OXNAD1: variants seen among roughly 807,000 people sequenced by gnomAD.
OXNAD1 encodes the protein oxidoreductase NAD binding domain containing 1, also known as oxidoreductase NAD-binding domain-containing protein 1.
OXNAD1 carries 34 observed loss-of-function variants against 32.9 expected under a neutral mutation model. That is an observed-to-expected ratio of 1.03 (90% CI 0.79 to 1.38). OXNAD1 has a LOEUF of 1.38. Ranked by LOEUF, OXNAD1 falls within the 40% of genes most tolerant of loss-of-function variation. The pLI, the probability that OXNAD1 is intolerant of heterozygous loss-of-function variation, is 0.00. For synonymous variants in OXNAD1, 134 were observed against 135.2 expected, an observed-to-expected ratio of 0.99 and a Z score of 0.06; for missense variants, 407 against 379.4, an observed-to-expected ratio of 1.07 and a Z score of -0.60.
chr3:16,302,330 C>G lies in OXNAD1; in HGVS notation c.676-310C>G, dbSNP rs918683521. 6.6e-6 allele frequency among the ~76,000 whole-genome samples: 1 copy of G among 152,182 alleles called. No homozygotes were observed. Among genetic ancestry groups the G allele is most frequent in the South Asian group, 2.1e-4 (1 of 4,828 alleles). On this transcript the variant is annotated intron_variant, in intron 7 of 8. Coordinates refer to ENST00000285083, the MANE Select transcript of OXNAD1 (RefSeq NM_138381.5). This position sits in a 1 kb window ranked among gnomAD's most constrained non-coding sequence, Gnocchi z 4.2. ...GCAGGAATGAACAAAAGAACAGAAA[C>G]AGTTAAAAGACACAACTGTGGTCAG...
At chr3:16,341,111 G>C (rs932365285), downstream of OXNAD1, among the ~76,000 whole-genome samples, 2 of 152,188 alleles carry the variant, frequency 1.3e-5, no homozygotes, top group African/African-American at 2.4e-5. This position sits in a 1 kb window ranked among gnomAD's most constrained non-coding sequence, Gnocchi z 4.7. Context: ...GTCCACCTTA[G>C]AATGACCACA....
rs985609958 is a variant in OXNAD1, at chr3:16,348,520, G to A, written c.*31-656G>A. ...GAGCCCACTGTGTCCAGGAGGCCTT[G>A]TTCAGTCTCTGCTCTCTCCCAGGGC... On this transcript the variant is annotated intron_variant, in intron 9 of 9. Coordinates refer to the OXNAD1 transcript ENST00000606098. This position sits in a 1 kb window ranked among gnomAD's most constrained non-coding sequence, Gnocchi z 6.3. Among the ~76,000 whole-genome samples the A allele has an allele frequency of 3.3e-5, 5 of 152,140 alleles. No homozygotes were observed. Among genetic ancestry groups the A allele is most frequent in the African/African-American group, 4.8e-5 (2 of 41,428 alleles).
intron 9 of OXNAD1, among the ~76,000 whole-genome samples, chr3:16,311,635 C>T (rs2067989845): frequency 6.6e-6 from 1 of 152,146 alleles, no homozygotes; most frequent in Non-Finnish European, 1.5e-5. Context: ...CAATCATTTG[C>T]AAAATCCAGT....
chr3:16,276,813 G>T (rs1017983679), intron 4 of OXNAD1, among the ~76,000 whole-genome samples: 8 of 151,970 alleles, frequency 5.3e-5, no homozygotes, highest in Non-Finnish European at 1.0e-4. Context: ...AAACTCTTGA[G>T]AATTTTAGTG....
At chr3:16,285,870 C>A (rs1381827497) in intron 4 of OXNAD1, among the ~76,000 whole-genome samples, 1 of 152,216 alleles carries the variant, frequency 6.6e-6, no homozygotes, top group South Asian at 2.1e-4. Flanking sequence ...TAAGTGCCTG[C>A]TTTTGATTTC....
At chr3:16,270,803 G>A in intron 2 of OXNAD1, 142 bp from the exon 3 acceptor site, 1 of 1,212,504 alleles carries the variant, frequency 8.2e-7, no homozygotes, top group Non-Finnish European at 1.1e-6. Context: ...GTGAAGTTAG[G>A]CTCTTGGCTG....
intron 9 of OXNAD1, among the ~76,000 whole-genome samples, chr3:16,324,646 T>TTG (rs71632869): frequency 0.11 from 10,675 of 100,236 alleles, 765 homozygotes; most frequent in East Asian, 0.31. Context: ...TAGTATTCCA[T>TTG]TGTGTGTGTG....
chr3:16,296,448 A>AT, intron 6 of OXNAD1, among the ~76,000 whole-genome samples: 1 of 152,332 alleles, frequency 6.6e-6, no homozygotes, highest in Admixed American at 6.5e-5. Flanking sequence ...TCTCAACAGG[A>AT]TTTTTTATAG....
rs553681452 is a variant in OXNAD1, at chr3:16,298,312, C to G, written c.433-3314C>G. Among the ~76,000 whole-genome samples the G allele has an allele frequency of 6.6e-6, 1 of 152,246 alleles. No individual in the cohort carries two copies. The highest frequency in any genetic ancestry group is 1.9e-4 in the East Asian group (1 of 5,170). On this transcript the variant is annotated intron_variant, in intron 6 of 8. Coordinates refer to ENST00000285083, the MANE Select transcript of OXNAD1 (RefSeq NM_138381.5). The surrounding 1 kb of genome is among the most constrained non-coding windows in gnomAD (Gnocchi z 5.1). ...GAAATAAGCATAGCCATCCCAGTTC[C>G]TAGTGCCATGAACATCTCCCCATCC...
In OXNAD1 at chr3:16,271,690, A is replaced by G. The variant is rs201824469; in HGVS notation, c.151A>G (p.Met51Val). ...GAAATCCAAAAGGAAAACTGATCACATGGAGAGAACTGCAAGTGTCCTTCG... is the reference window on the plus strand; with the variant it reads ...GAAATCCAAAAGGAAAACTGATCACGTGGAGAGAACTGCAAGTGTCCTTCG... ...IMKSKRKTDHMERTASVLRRE... is the reference protein window; with the variant it reads ...IMKSKRKTDHVERTASVLRRE... Residue 51 changes from methionine (M) to valine (V), a missense_variant, in exon 4 of 9, where the codon ATG (methionine) becomes GTG (valine). Met to Val is a conservative substitution (Grantham distance 21, BLOSUM62 1). Transcript: ENST00000285083. The surrounding 1 kb of genome is among the most constrained non-coding windows in gnomAD (Gnocchi z 4.6). 3.1e-6 allele frequency: 5 copies of G among 1,607,832 alleles called. No individual in the cohort carries two copies. The highest frequency in any genetic ancestry group is 1.1e-5 in the South Asian group (1 of 89,396).
intron 6 of OXNAD1, among the ~76,000 whole-genome samples, chr3:16,295,289 T>C (rs966022705): frequency 2.6e-5 from 4 of 152,232 alleles, no homozygotes; most frequent in African/African-American, 9.6e-5. Flanking sequence ...CTCTGTGTCA[T>C]GTAAATGGTA....
chr3:16,320,347 C>G lies in OXNAD1; in HGVS notation c.*30+16755C>G, dbSNP rs889149166. ...GCTGATTAAAAGAAGACTAAATATG[C>G]CACATCCTCGGTGTGCCAATCTTGC... On this transcript the variant is annotated intron_variant, in intron 9 of 9. Transcript: ENST00000435829. The surrounding 1 kb of genome is among the most constrained non-coding windows in gnomAD (Gnocchi z 4.5). Among the ~76,000 whole-genome samples the G allele has an allele frequency of 3.9e-5, 6 of 152,192 alleles. No homozygotes were observed. Among genetic ancestry groups the G allele is most frequent in the Non-Finnish European group, 4.4e-5 (3 of 68,040 alleles).
rs2070683648 is a variant in OXNAD1, at chr3:16,334,741, T to C, written c.*31-2371T>C. 6.6e-6 allele frequency among the ~76,000 whole-genome samples: 1 copy of C among 152,210 alleles called. No homozygotes were observed. ...AATGGCCCCAAAGATGTCTACAGCC[T>C]AATCCCAGGAGCCTGTGAAAATGTT... On this transcript the variant is annotated intron_variant, in intron 9 of 9. Transcript: ENST00000435829. The surrounding 1 kb of genome is among the most constrained non-coding windows in gnomAD (Gnocchi z 4.3).
At chr3:16,294,656 C>G (rs2066648698) in intron 5 of OXNAD1, among the ~76,000 whole-genome samples, 200 bp from the exon 6 acceptor site, 1 of 152,154 alleles carries the variant, frequency 6.6e-6, no homozygotes, top group South Asian at 2.1e-4. Flanking sequence ...TGTAAGTTAG[C>G]TAATTTTTTG....
chr3:16,286,441 G>A lies in OXNAD1; in HGVS notation c.283G>A (p.Gly95Ser). ...VADQDFSFKA[G>S]QWVDFFIPGV... ...TGATCAAGACTTTTCCTTTAAAGCT[G>A]GCCAGTGGTAAGTGACTTTTCTGTG... The change falls in exon 5 of 9, where the codon GGC becomes AGC. Residue 95 changes from glycine to serine, a missense_variant. Transcript: ENST00000285083. The A allele has an allele frequency of 1.2e-6, 2 of 1,613,556 alleles. No homozygotes were observed. Among genetic ancestry groups the A allele is most frequent in the Non-Finnish European group, 1.7e-6 (2 of 1,179,594 alleles).
rs772049997 is a variant in OXNAD1 at position 16,289,136 on chromosome 3, C to A, written c.290+2688C>A. Reference sequence around the variant, plus strand: ...TGTTTAGCATAATGCCTACTGTTAACTTCATTTGTTTGATTTTAGCTTTTG... The same window carrying A: ...TGTTTAGCATAATGCCTACTGTTAAATTCATTTGTTTGATTTTAGCTTTTG... On this transcript the variant is annotated intron_variant, in intron 5 of 8. Transcript: ENST00000285083. This position sits in a 1 kb window ranked among gnomAD's most constrained non-coding sequence, Gnocchi z 4.9. Among the ~76,000 whole-genome samples, 67 of 152,162 alleles carry A rather than the reference C, an allele frequency of 4.4e-4. No homozygotes were observed. Among genetic ancestry groups the A allele is most frequent in the Admixed American group, 1.1e-3 (17 of 15,276 alleles).
chr3:16,269,960 C>T (rs956184580), intron 2 of OXNAD1, among the ~76,000 whole-genome samples: 2 of 152,122 alleles, frequency 1.3e-5, no homozygotes, highest in African/African-American at 4.8e-5. Context: ...GGAAAAGGAA[C>T]CAAAAAGAAA....
chr3:16,326,137 A>T (rs1266155927), intron 9 of OXNAD1, among the ~76,000 whole-genome samples: 1 of 152,258 alleles, frequency 6.6e-6, no homozygotes, highest in Non-Finnish European at 1.5e-5. Context: ...AGTAAGCCCA[A>T]CATATAGATG....
chr3:16,285,004 G>A (rs1257292679), intron 4 of OXNAD1, among the ~76,000 whole-genome samples: 1 of 152,234 alleles, frequency 6.6e-6, no homozygotes, highest in Non-Finnish European at 1.5e-5. Flanking sequence ...CAGTGTTTCT[G>A]AGAGAGTAGG....
Sources: gnomAD v4.1 joint callset for allele counts (sites outside exome capture counted in the v4.1 genomes callset) on GRCh38, gnomAD v4.1.1 for gene constraint, Gnocchi (gnomAD v3.1) non-coding constraint, MANE v1.5 for transcripts, NCBI Gene and HGNC (gene_info 2026-07-23, HGNC 2026-07-21) for gene names.